Variants in MAPK10 observed in about 807,000 individuals in gnomAD.
MAPK10 encodes the protein mitogen-activated protein kinase 10.
A neutral mutation model predicts 59.3 loss-of-function variants in MAPK10; 25 were observed. The ratio of observed to expected loss-of-function variants is 0.42; its 90% confidence interval spans 0.31 to 0.59. The LOEUF (loss-of-function observed/expected upper bound fraction) is 0.59, where lower values mean the gene tolerates loss of function less well. Among genes scored for constraint, MAPK10 ranks in the 20% least tolerant of loss-of-function variants. MAPK10 has a pLI of 0.15. For synonymous variants in MAPK10, 190 were observed against 200.5 expected (o/e 0.95, Z 0.44); for missense variants, 351 against 568.9 (o/e 0.62, Z 3.90).
chr4:86,517,051 T>C (rs1174351614), intron 1 of MAPK10, among the ~76,000 whole-genome samples: 1 of 152,200 alleles, frequency 6.6e-6, no homozygotes, highest in African/African-American at 2.4e-5. Context: ...TGTGAGTATG[T>C]CATAGATGGC....
At chr4:86,047,151 A>T (rs1054629169) in intron 11 of MAPK10, among the ~76,000 whole-genome samples, 2 of 152,064 alleles carry the variant, frequency 1.3e-5, no homozygotes, top group African/African-American at 4.8e-5. Flanking sequence ...TCTGCTACAT[A>T]TGAAACCCTG....
At chr4:86,285,363 C>T (rs899431037) in intron 2 of MAPK10, among the ~76,000 whole-genome samples, 10 of 151,910 alleles carry the variant, frequency 6.6e-5, no homozygotes, top group African/African-American at 2.4e-4. Context: ...ATTACAGGTG[C>T]ACACCACCAT....
At chr4:86,485,394 G>A (rs181311447) in intron 1 of MAPK10, among the ~76,000 whole-genome samples, 25 of 152,158 alleles carry the variant, frequency 1.6e-4, no homozygotes, top group African/African-American at 6.0e-4. Flanking sequence ...TAAGCCCTAG[G>A]AACATATCCT....
intron 2 of MAPK10, among the ~76,000 whole-genome samples, chr4:86,302,651 G>A (rs144708530): frequency 1.3e-5 from 2 of 152,050 alleles, no homozygotes; most frequent in East Asian, 1.9e-4. Flanking sequence ...ATCACTCTTC[G>A]CTTCAGAAAA....
intron 11 of MAPK10, 64 bp from the exon 12 acceptor site, chr4:86,031,495 T>C (rs10025882): frequency 0.12 from 125,540 of 1,087,892 alleles, 8,303 homozygotes; most frequent in African/African-American, 0.23. Flanking sequence ...ACTCTTACAA[T>C]GCACGAGAAT....
At chr4:86,318,659 T>C (rs1462969001) in intron 2 of MAPK10, among the ~76,000 whole-genome samples, 3 of 152,308 alleles carry the variant, frequency 2.0e-5, no homozygotes, top group Non-Finnish European at 2.9e-5. Context: ...TCTGATCTTG[T>C]CTGACAGTTA....
chr4:86,224,229 G>T (rs543163177), intron 2 of MAPK10, among the ~76,000 whole-genome samples: 1 of 152,286 alleles, frequency 6.6e-6, no homozygotes, highest in Admixed American at 6.5e-5. Context: ...ATACAGAGGA[G>T]TTGTCAGTCT....
rs78543819 is a variant in MAPK10 at position 86,180,320 on chromosome 4, G to C, written c.66+14016C>G. On this transcript the variant is annotated intron_variant, in intron 3 of 13. Coordinates refer to ENST00000641462, the MANE Select transcript of MAPK10 (RefSeq NM_138982.4). The stretch of plus-strand genomic sequence containing the variant: ...CCGGTTAGAATGACTATTATAAAAA[G>C]GACAAAAAATAATAAATGTTGGTGA... Among the ~76,000 whole-genome samples, 663 of 151,558 alleles carry C rather than the reference G, an allele frequency of 4.4e-3. 6 individuals carry two copies. The highest frequency in any genetic ancestry group is 0.015 in the African/African-American group (637 of 41,424).
chr4:86,209,479 T>C (rs1399244011), intron 2 of MAPK10, among the ~76,000 whole-genome samples: 1 of 151,978 alleles, frequency 6.6e-6, no homozygotes, highest in Non-Finnish European at 1.5e-5. Flanking sequence ...ATCCTCAGTA[T>C]GAAGAAAGCC....
intron 1 of MAPK10, among the ~76,000 whole-genome samples, chr4:86,572,524 CAG>C (rs1565060183): frequency 1.3e-5 from 2 of 152,312 alleles, no homozygotes; most frequent in African/African-American, 4.8e-5. Context: ...TATATGCAAA[CAG>C]GGCAGAAAGT....
intron 1 of MAPK10, among the ~76,000 whole-genome samples, chr4:86,449,511 A>C (rs1401424254): frequency 1.3e-5 from 2 of 151,044 alleles, no homozygotes; most frequent in African/African-American, 2.4e-5. Context: ...GAAATGAAAA[A>C]ACCTGACCCT....
intron 1 of MAPK10, among the ~76,000 whole-genome samples, chr4:86,528,401 T>G (rs1373170383): frequency 6.6e-6 from 1 of 151,952 alleles, no homozygotes; most frequent in Admixed American, 6.6e-5. Flanking sequence ...AAAAGAAAAC[T>G]TATCTTTTAC....
At chr4:86,450,302 A>T (rs1160034887) in intron 1 of MAPK10, among the ~76,000 whole-genome samples, 1 of 152,230 alleles carries the variant, frequency 6.6e-6, no homozygotes, top group African/African-American at 2.4e-5. Context: ...CTAAATTTAC[A>T]GTGCTGTCAG....
At position 86,017,466 on chromosome 4, in the gene MAPK10, A is replaced by T; in HGVS notation, c.1253-96T>A. ...CAGGGATGGGCAAATACAATAGGGG[A>T]TGTCCAGTCCATCAATCATTTGGCA... On this transcript the variant is annotated intron_variant, in intron 13 of 13. Coordinates refer to ENST00000641462, the MANE Select transcript of MAPK10 (RefSeq NM_138982.4). This position sits in a 1 kb window ranked among gnomAD's most constrained non-coding sequence, Gnocchi z 4.4. The T allele has an allele frequency of 7.5e-7, 1 of 1,331,316 alleles. No homozygotes were observed. Among genetic ancestry groups the T allele is most frequent in the East Asian group, 2.3e-5 (1 of 42,886 alleles). 82.5% of individuals were successfully genotyped at this position (1,331,316 alleles called of 1,614,324 possible). A position where few individuals can be genotyped will look rare whatever the true frequency, so the allele number is the denominator to read the frequency against.
At chr4:86,568,031 T>C (rs1761187439) in intron 1 of MAPK10, among the ~76,000 whole-genome samples, 1 of 152,092 alleles carries the variant, frequency 6.6e-6, no homozygotes. Flanking sequence ...TGATATAATC[T>C]TATACATAGA....
At chr4:86,109,295 G>A (rs776954860) in intron 4 of MAPK10, among the ~76,000 whole-genome samples, 10 of 152,148 alleles carry the variant, frequency 6.6e-5, no homozygotes, top group Non-Finnish European at 1.0e-4. Flanking sequence ...TGGTAAATGT[G>A]GGACATGGTG....
At chr4:86,076,897 A>G (rs1272650706) in intron 9 of MAPK10, among the ~76,000 whole-genome samples, 1 of 152,188 alleles carries the variant, frequency 6.6e-6, no homozygotes, top group African/African-American at 2.4e-5. Flanking sequence ...TACCACATAG[A>G]GTAAGGATTT....
intron 2 of MAPK10, among the ~76,000 whole-genome samples, chr4:86,255,730 C>T (rs1242656125): frequency 1.3e-5 from 2 of 152,006 alleles, no homozygotes; most frequent in African/African-American, 4.8e-5. Flanking sequence ...GGAGGGTTCC[C>T]TCTGCTTTGC....
intron 1 of MAPK10, among the ~76,000 whole-genome samples, chr4:86,437,438 C>T (rs919070286): frequency 6.6e-6 from 1 of 151,988 alleles, no homozygotes; most frequent in African/African-American, 2.4e-5. Context: ...TTTCAAATGC[C>T]AAGCCCACTT....
Sources: allele counts gnomAD v4.1 joint callset (sites outside exome capture counted in the v4.1 genomes callset), GRCh38; gene constraint gnomAD v4.1.1; non-coding constraint Gnocchi (gnomAD v3.1); transcripts MANE v1.5; gene names NCBI Gene and HGNC (gene_info 2026-07-23, HGNC 2026-07-21).